Variants in RD3L observed in about 807,000 individuals in gnomAD.
RD3L encodes RD3 like.
RD3L carries 6 observed loss-of-function variants against 12.5 expected under a neutral mutation model. That is an observed-to-expected ratio of 0.48 (90% CI 0.26 to 0.95). The LOEUF is 0.95. Among genes scored for constraint, RD3L ranks in the 40% least tolerant of loss-of-function variants. The pLI is 0.14. For missense variants in RD3L, 234 were observed against 228.6 expected, an observed-to-expected ratio of 1.02 and a Z score of -0.15; for synonymous variants, 87 against 79.3, an observed-to-expected ratio of 1.10 and a Z score of -0.52.
rs1326398506 is a variant in RD3L, at chr14:103,941,589, CATTTTA to C, written c.101_106del (p.Leu34_Lys35del). The C allele has an allele frequency of 1.3e-6, 2 of 1,535,046 alleles. No homozygotes were observed. Among genetic ancestry groups the C allele is most frequent in the South Asian group, 2.4e-5 (2 of 84,040 alleles). ...TAATCTCTCTCGCTCCTTTAGGTGCCATTTTAATTCCCGAAGCAGAGTCTTTGTCAC... is the reference window on the plus strand; with the variant it reads ...TAATCTCTCTCGCTCCTTTAGGTGCCATTCCCGAAGCAGAGTCTTTGTCAC... On this transcript the variant is annotated inframe_deletion, in exon 2 of 3. Coordinates refer to ENST00000557640, the MANE Select transcript of RD3L (RefSeq NM_001257268.2).
intron 2 of RD3L, 52 bp downstream of exon 2, chr14:103,941,345 G>C: frequency 9.1e-6 from 12 of 1,311,920 alleles, no homozygotes; most frequent in East Asian, 2.5e-5. Flanking sequence ...AAATATATGA[G>C]GAACTTGGAC....
chr14:103,941,413 C>T lies in RD3L; in HGVS notation c.283G>A (p.Gly95Arg). ...TATTTTTACCTGCTGAGAATAGTTC[C>T]AGTTTGGCAAGGTTGAACTTGTGAG... ...LCSQVQPCQT[G>R]TILSRFREVL... is the part of the protein sequence containing the mutation. Residue 95 changes from glycine (G) to arginine (R), a missense_variant, in exon 2 of 3, where the codon GGA becomes AGA. By Grantham distance (125) the Gly-to-Arg change is moderately radical (BLOSUM62 -2). Transcript: ENST00000557640. 6.5e-7 allele frequency: 1 copy of T among 1,534,732 alleles called. No homozygotes were observed. Among genetic ancestry groups the T allele is most frequent in the Non-Finnish European group, 8.7e-7 (1 of 1,146,350 alleles).
chr14:103,941,854 C>T (rs1301960595), intron 1 of RD3L, among the ~76,000 whole-genome samples, 152 bp from the exon 2 acceptor site: 1 of 152,002 alleles, frequency 6.6e-6, no homozygotes, highest in Non-Finnish European at 1.5e-5. Flanking sequence ...CATGGATTAA[C>T]GTCTTAATTT....
At position 103,941,654 on chromosome 14, in the gene RD3L, G is replaced by A. The variant is rs1410332499; in HGVS notation, c.42C>T (p.Ser14=). The A allele has an allele frequency of 2.0e-6, 3 of 1,531,638 alleles. No individual in the cohort carries two copies. The South Asian group carries it at 3.6e-5, about 18-fold the overall frequency. The allele number at this position is 1,531,638 out of a possible 1,614,324, so 94.9% of individuals were successfully genotyped here. Reference sequence around the variant, plus strand: ...AGCCAGGATAGTGTGTGGGTTTGTAGGAATCGTTTTTGGGCCATTTCATCC... The same window carrying A: ...AGCCAGGATAGTGTGTGGGTTTGTAAGAATCGTTTTTGGGCCATTTCATCC... ...FGWMKWPKND[S]YKPTHYPGSD... is the part of the protein sequence containing the mutation. The change falls in exon 2 of 3, where the codon TCC becomes TCT. Residue 14 remains serine, a synonymous_variant. Coordinates refer to ENST00000557640, the MANE Select transcript of RD3L (RefSeq NM_001257268.2).
chr14:103,940,983 C>T lies in RD3L; in HGVS notation c.420G>A (p.Glu140=), dbSNP rs1227909782. The change falls in exon 3 of 3, where the codon GAG becomes GAA. Residue 140 remains glutamate (E), a synonymous_variant. Coordinates refer to ENST00000557640, the MANE Select transcript of RD3L (RefSeq NM_001257268.2). ...CAGAGCAGTCCATGCTCCCTGAGTC[C>T]TCCAGGTCCTCTTGCTCACTCCCTC... ...SDRGSEQEDL[E]DSGSMDCSAP... 2.0e-6 allele frequency: 3 copies of T among 1,535,310 alleles called. No individual in the cohort carries two copies. The highest frequency in any genetic ancestry group is 2.6e-6 in the Non-Finnish European group (3 of 1,146,720).
intron 2 of RD3L, 100 bp from the exon 3 acceptor site, chr14:103,941,203 CT>C: frequency 9.5e-7 from 1 of 1,053,544 alleles, no homozygotes; most frequent in Non-Finnish European, 1.3e-6. Flanking sequence ...AGTTACCCAC[CT>C]TTTGAGTATT....
At position 103,941,102 on chromosome 14, in the gene RD3L, A is replaced by G. The variant is rs1595895400; in HGVS notation, c.301T>C (p.Phe101Leu). 1 of 1,532,114 alleles carries G rather than the reference A, an allele frequency of 6.5e-7. No homozygotes were observed. Among genetic ancestry groups the G allele is most frequent in the East Asian group, 2.4e-5 (1 of 40,864 alleles). 94.9% of individuals were successfully genotyped at this position (1,532,114 alleles called of 1,614,324 possible). A position where few individuals can be genotyped will look rare whatever the true frequency, so the allele number is the denominator to read the frequency against. Residue 101 changes from phenylalanine to leucine, a missense_variant and splice_region_variant, in exon 3 of 3, where the codon TTT becomes CTT. Phe to Leu is a conservative substitution (Grantham distance 22). Coordinates refer to ENST00000557640, the MANE Select transcript of RD3L (RefSeq NM_001257268.2). ...TCATTTTCTGCCAAAACTTCTCGAA[A>G]TCTAGAGGGGAAATGGTAATGAATA... is the stretch of plus-strand genomic sequence containing the variant. Reference protein sequence around the residue: ...PCQTGTILSRFREVLAENDVL... With the variant: ...PCQTGTILSRLREVLAENDVL...
At chr14:103,941,747 T>C in intron 1 of RD3L, 45 bp from the exon 2 acceptor site, 1 of 1,310,562 alleles carries the variant, frequency 7.6e-7, no homozygotes, top group Non-Finnish European at 1.0e-6. Context: ...AATGTTATGT[T>C]CTTCTGAGCA....
At chr14:103,941,880 G>A (rs1191013073) in intron 1 of RD3L, among the ~76,000 whole-genome samples, 178 bp from the exon 2 acceptor site, 28 of 152,096 alleles carry the variant, frequency 1.8e-4, no homozygotes, top group Admixed American at 1.8e-3. Flanking sequence ...TAGGTCAGTG[G>A]CAGAAACCAA....
chr14:103,941,484 T>TG lies in RD3L; in HGVS notation c.211dup (p.His71ProfsTer8), dbSNP rs1323237965. ...TTGTTCAGTCACTGGGATAGTTGTGTGGGGATTCTGGTAGTTTCTGAGCCA... is the reference window on the plus strand; with the variant it reads ...TTGTTCAGTCACTGGGATAGTTGTGTGGGGGATTCTGGTAGTTTCTGAGCCA... On this transcript the variant is annotated frameshift_variant, in exon 2 of 3. Transcript: ENST00000557640. LOFTEE classifies it high-confidence loss of function. 6.5e-7 allele frequency: 1 copy of TG among 1,535,258 alleles called. No individual in the cohort carries two copies. Among genetic ancestry groups the TG allele is most frequent in the Non-Finnish European group, 8.7e-7 (1 of 1,146,636 alleles).
chr14:103,941,848 G>T, intron 1 of RD3L, 146 bp from the exon 2 acceptor site: 1 of 616,128 alleles, frequency 1.6e-6, no homozygotes, highest in Non-Finnish European at 2.8e-6. Context: ...TTAGAACATG[G>T]ATTAACGTCT....
intron 2 of RD3L, 45 bp from the exon 3 acceptor site, chr14:103,941,148 G>T: frequency 7.1e-7 from 1 of 1,415,670 alleles, no homozygotes; most frequent in Admixed American, 2.2e-5. Context: ...AACATTTTTT[G>T]TTATATCTCT....
rs1022241335 is a variant in RD3L, at chr14:103,941,403, A to G, written c.293T>C (p.Leu98Pro). Residue 98 changes from leucine (L) to proline (P), a missense_variant, in exon 2 of 3, where the codon CTC becomes CCC. Physicochemically the swap from Leu to Pro is moderately conservative, Grantham distance 98 (BLOSUM62 -3). Coordinates refer to ENST00000557640, the MANE Select transcript of RD3L (RefSeq NM_001257268.2). ...QVQPCQTGTI[L>P]SRFREVLAEN... ...GAGAACATAGTATTTTTACCTGCTG[A>G]GAATAGTTCCAGTTTGGCAAGGTTG... 3.3e-6 allele frequency: 5 copies of G among 1,533,756 alleles called. No individual in the cohort carries two copies. The highest frequency in any genetic ancestry group is 4.4e-6 in the Non-Finnish European group (5 of 1,145,688).
At chr14:103,941,782 T>G in intron 1 of RD3L, 80 bp from the exon 2 acceptor site, 1 of 1,147,538 alleles carries the variant, frequency 8.7e-7, no homozygotes, top group African/African-American at 1.6e-5. Flanking sequence ...TACAATAAAT[T>G]TGCCCGAAAA....
Position 103,941,367 on chromosome 14 carries a change from A to G in RD3L, c.299+30T>C, listed in dbSNP as rs192691265. 6.2e-5 allele frequency: 92 copies of G among 1,476,558 alleles called. No individual in the cohort carries two copies. In the African/African-American group the frequency reaches 1.1e-3, roughly 18 times the overall value. 91.5% of individuals were successfully genotyped at this position (1,476,558 alleles called of 1,614,324 possible). On this transcript the variant is annotated intron_variant, in intron 2 of 2. Transcript: ENST00000557640. ...TGAGGAACTTGGACTTAGCAGTAGC[A>G]GGAATCATAAGAGAACATAGTATTT...
chr14:103,940,879 T>C lies in RD3L; in HGVS notation c.524A>G (p.Lys175Arg). The change falls in exon 3 of 3, where the codon AAA becomes AGA. Residue 175 changes from lysine (K) to arginine (R), a missense_variant. By Grantham distance (26) the Lys-to-Arg change is conservative (BLOSUM62 2). Transcript: ENST00000557640. Reference protein sequence around the residue: ...EIPTISSYVDKNTKDRFPVFS... With the variant: ...EIPTISSYVDRNTKDRFPVFS... Reference sequence around the variant, plus strand: ...CACTGGGAACCTGTCCTTTGTGTTTTTGTCTACGTAACTGGAAATGGTGGG... The same window carrying C: ...CACTGGGAACCTGTCCTTTGTGTTTCTGTCTACGTAACTGGAAATGGTGGG... 6.5e-7 allele frequency: 1 copy of C among 1,535,424 alleles called. No individual in the cohort carries two copies. Among genetic ancestry groups the C allele is most frequent in the Non-Finnish European group, 8.7e-7 (1 of 1,146,678 alleles).
chr14:103,941,176 C>G (rs1280290025), intron 2 of RD3L, 73 bp from the exon 3 acceptor site: 3 of 1,217,112 alleles, frequency 2.5e-6, no homozygotes, highest in Non-Finnish European at 3.4e-6. Flanking sequence ...CAAAATACAG[C>G]TTGAATAATG....
chr14:103,941,332 T>A (rs2031217532), intron 2 of RD3L, 65 bp downstream of exon 2: 1 of 1,220,612 alleles, frequency 8.2e-7, no homozygotes, highest in African/African-American at 1.5e-5. Flanking sequence ...CAGTTTCTAG[T>A]CAAAATATAT....
chr14:103,941,604 A>G lies in RD3L; in HGVS notation c.92T>C (p.Leu31Pro), dbSNP rs1207651843. 2 of 1,535,266 alleles carry G rather than the reference A, an allele frequency of 1.3e-6. No individual in the cohort carries two copies. The highest frequency in any genetic ancestry group is 1.7e-6 in the Non-Finnish European group (2 of 1,146,622). The change falls in exon 2 of 3, where the codon CTT (leucine) becomes CCT (proline). Residue 31 changes from leucine (L) to proline (P), a missense_variant. Leu to Pro is a moderately conservative substitution (Grantham distance 98, BLOSUM62 -3). Transcript: ENST00000557640. ...CTTTAGGTGCCATTTTAATTCCCGA[A>G]GCAGAGTCTTTGTCACTATGTCTGA... ...PGSDIVTKTL[L>P]RELKWHLKER... is the part of the protein sequence containing the mutation.
Sources: gnomAD v4.1 joint callset for allele counts (sites outside exome capture counted in the v4.1 genomes callset) on GRCh38, gnomAD v4.1.1 for gene constraint, MANE v1.5 for transcripts, NCBI Gene and HGNC (gene_info 2026-07-23, HGNC 2026-07-21) for gene names.